Variants in PDE7B observed in about 807,000 individuals in gnomAD.
The protein encoded by PDE7B is phosphodiesterase 7B, also known as 3',5'-cyclic-AMP phosphodiesterase 7B.
A neutral mutation model predicts 56.2 loss-of-function variants in PDE7B; 29 were observed. That is an observed-to-expected ratio of 0.52 (90% CI 0.38 to 0.70). PDE7B has a LOEUF of 0.70. Among genes scored for constraint, PDE7B ranks in the 30% least tolerant of loss-of-function variants. PDE7B has a pLI of 0.00. For missense variants in PDE7B, 490 were observed against 565.0 expected (o/e 0.87, Z 1.35); for synonymous variants, 197 against 196.9 (o/e 1.00, Z 0.00).
intron 1 of PDE7B, among the ~76,000 whole-genome samples, chr6:135,916,605 A>G (rs1171022960): frequency 1.3e-5 from 2 of 151,386 alleles, no homozygotes; most frequent in Non-Finnish European, 2.9e-5. Flanking sequence ...GTTGGCCAGG[A>G]TGGTCTCGAT....
chr6:136,133,792 C>G (rs933429928), intron 3 of PDE7B, among the ~76,000 whole-genome samples: 7 of 152,052 alleles, frequency 4.6e-5, no homozygotes, highest in Non-Finnish European at 1.0e-4. Context: ...ACCAGGAGCC[C>G]AGGAGGAAAT....
chr6:136,029,104 G>A (rs558533448), intron 2 of PDE7B, among the ~76,000 whole-genome samples: 17 of 152,290 alleles, frequency 1.1e-4, no homozygotes, highest in Non-Finnish European at 2.4e-4. Flanking sequence ...CATCAAATTA[G>A]TATTAATATT....
chr6:136,131,753 A>G (rs565499727), intron 3 of PDE7B, among the ~76,000 whole-genome samples: 16 of 152,168 alleles, frequency 1.1e-4, no homozygotes, highest in Admixed American at 8.5e-4. Context: ...TTAATACTTC[A>G]TTTGTACATT....
At chr6:136,127,713 A>G (rs1421659289) in intron 3 of PDE7B, among the ~76,000 whole-genome samples, 1 of 152,240 alleles carries the variant, frequency 6.6e-6, no homozygotes, top group Non-Finnish European at 1.5e-5. Context: ...TGAAAACCAG[A>G]TACTTTAAAA....
chr6:135,859,714 A>G (rs1436302224), intron 1 of PDE7B, among the ~76,000 whole-genome samples: 2 of 151,970 alleles, frequency 1.3e-5, no homozygotes, highest in African/African-American at 4.8e-5. Flanking sequence ...GACAAAATGC[A>G]TGTAAGAGCT....
In PDE7B at chr6:135,887,298, A is replaced by G. The variant is rs113702682; in HGVS notation, c.21+35279A>G. 8.2e-4 allele frequency among the ~76,000 whole-genome samples: 125 copies of G among 152,228 alleles called. 1 individual carries two copies. Among genetic ancestry groups the G allele is most frequent in the African/African-American group, 2.9e-3 (120 of 41,558 alleles). On this transcript the variant is annotated intron_variant, in intron 1 of 12. Coordinates refer to ENST00000308191, the MANE Select transcript of PDE7B (RefSeq NM_018945.4). ...GAATCCATAGTTAATATTTGCAAAG[A>G]TTTGCTGAGCATTTATACTGTGCAA...
At position 136,052,626 on chromosome 6, in the gene PDE7B, C is replaced by CGA. The variant is rs397819027; in HGVS notation, c.83-56105_83-56104insGA. On this transcript the variant is annotated intron_variant, in intron 2 of 12. Transcript: ENST00000308191. ...ATAAAGTTAGGGTACAGCCCCCCCC[C>CGA]ACCCACAGCATGCCGAACACATGCT... is the stretch of plus-strand genomic sequence containing the variant. Among the ~76,000 whole-genome samples the CGA allele has an allele frequency of 2.0e-5, 3 of 150,572 alleles. No individual in the cohort carries two copies. In the South Asian group the frequency reaches 6.4e-4, roughly 32 times the overall value.
intron 11 of PDE7B, among the ~76,000 whole-genome samples, chr6:136,184,572 C>A (rs1779116339): frequency 6.6e-6 from 1 of 152,124 alleles, no homozygotes; most frequent in South Asian, 2.1e-4. Context: ...GAGCGCTGGT[C>A]TAGATAGAAT....
intron 3 of PDE7B, among the ~76,000 whole-genome samples, chr6:136,129,297 G>A (rs1778075802): frequency 6.6e-6 from 1 of 152,162 alleles, no homozygotes; most frequent in South Asian, 2.1e-4. Flanking sequence ...TACAGCAATA[G>A]GATGGTGCTA....
chr6:136,174,466 C>T (rs1778945361), intron 9 of PDE7B, among the ~76,000 whole-genome samples: 1 of 152,088 alleles, frequency 6.6e-6, no homozygotes, highest in Non-Finnish European at 1.5e-5. Context: ...ATTTGATAGC[C>T]ATGGTATGTA....
intron 1 of PDE7B, among the ~76,000 whole-genome samples, chr6:135,935,438 C>T (rs1441394745): frequency 4.6e-5 from 7 of 151,322 alleles, no homozygotes. Flanking sequence ...ACATATTCTT[C>T]TCTTTAAGGA....
intron 2 of PDE7B, among the ~76,000 whole-genome samples, chr6:136,023,396 A>G (rs959099549): frequency 3.3e-5 from 5 of 152,210 alleles, no homozygotes; most frequent in African/African-American, 9.6e-5. Context: ...AAAAGAAGCC[A>G]GTACCTTGGA....
rs746231100 is a variant in PDE7B, at chr6:136,145,294, C to G, written c.167-2057C>G. Among the ~76,000 whole-genome samples the G allele has an allele frequency of 3.3e-5, 5 of 152,004 alleles. No individual in the cohort carries two copies. In the East Asian group the frequency reaches 7.7e-4, roughly 23 times the overall value. On this transcript the variant is annotated intron_variant, in intron 3 of 12. Transcript: ENST00000308191. The stretch of plus-strand genomic sequence containing the variant: ...TATTCATTTTGAGACTCAAATTTCC[C>G]GTATTTTCTCAGAGAGATCCCTTGA...
intron 3 of PDE7B, among the ~76,000 whole-genome samples, chr6:136,127,898 C>T (rs1778049114): frequency 6.6e-6 from 1 of 152,176 alleles, no homozygotes; most frequent in Admixed American, 6.5e-5. Flanking sequence ...GGATGAAAGA[C>T]CTTAAACTTA....
intron 1 of PDE7B, among the ~76,000 whole-genome samples, chr6:135,931,247 C>T (rs1489649604): frequency 1.3e-5 from 2 of 152,140 alleles, no homozygotes; most frequent in African/African-American, 4.8e-5. Context: ...GAATCCATTC[C>T]ATAATTTTAC....
chr6:135,982,291 G>C (rs1775310260), intron 2 of PDE7B, among the ~76,000 whole-genome samples: 1 of 152,176 alleles, frequency 6.6e-6, no homozygotes. Flanking sequence ...AAGGGAACTG[G>C]AAGTAAGAAC....
intron 3 of PDE7B, among the ~76,000 whole-genome samples, 159 bp from the exon 4 acceptor site, chr6:136,147,192 A>G (rs1035722896): frequency 6.6e-6 from 1 of 152,126 alleles, no homozygotes; most frequent in Non-Finnish European, 1.5e-5. Flanking sequence ...AGGTATGTTC[A>G]TGAAACATTT....
intron 1 of PDE7B, among the ~76,000 whole-genome samples, chr6:135,908,736 C>G (rs1776160255): frequency 6.6e-6 from 1 of 152,094 alleles, no homozygotes; most frequent in African/African-American, 2.4e-5. Flanking sequence ...CCAATTTGTT[C>G]CCATTTGCAA....
chr6:135,961,665 A>T (rs1774905167), intron 2 of PDE7B, among the ~76,000 whole-genome samples: 1 of 152,186 alleles, frequency 6.6e-6, no homozygotes, highest in South Asian at 2.1e-4. Flanking sequence ...AACACTTGAA[A>T]ATAAATGTCC....
Sources: allele counts gnomAD v4.1 joint callset (sites outside exome capture counted in the v4.1 genomes callset), GRCh38; gene constraint gnomAD v4.1.1; transcripts MANE v1.5; gene names NCBI Gene and HGNC (gene_info 2026-07-23, HGNC 2026-07-21).